The following ANO9 variants were observed in gnomAD, a reference collection of about 807,000 sequenced individuals.
ANO9 encodes anoctamin-9.
A neutral mutation model predicts 100.5 loss-of-function variants in ANO9; 80 were observed. The observed-to-expected ratio is 0.80, with a 90% CI of 0.66 to 0.96. The LOEUF (loss-of-function observed/expected upper bound fraction) is 0.96. ANO9 is among the 40% of genes least tolerant of loss of function. The pLI, the probability that ANO9 is intolerant of heterozygous loss-of-function variation, is 0.00. For synonymous variants in ANO9, 473 were observed against 435.6 expected (o/e 1.09, Z -1.07); for missense variants, 1,064 against 1,072.7 (o/e 0.99, Z 0.11).
intron 1 of ANO9, among the ~76,000 whole-genome samples, chr11:438,918 C>G (rs970094540): frequency 6.6e-6 from 1 of 152,176 alleles, no homozygotes; most frequent in African/African-American, 2.4e-5. Flanking sequence ...GGGACAGGGG[C>G]TGTCCCTACA....
At chr11:427,120 G>A (rs1848563014) in intron 15 of ANO9, among the ~76,000 whole-genome samples, 1 of 152,190 alleles carries the variant, frequency 6.6e-6, no homozygotes, top group Non-Finnish European at 1.5e-5. Context: ...AGGGCCAGAC[G>A]TGGTGGCTCA....
chr11:419,590 A>G lies in ANO9; in HGVS notation c.1926T>C (p.Ser642=), dbSNP rs777365593. ...ACACCCTGAGGCCTTACTCGACAGTAGAGTTGCCTTCTTTCAGGCATGGGC... is the reference window on the plus strand; with the variant it reads ...ACACCCTGAGGCCTTACTCGACAGTGGAGTTGCCTTCTTTCAGGCATGGGC... ...RYSPCLKEGN[S]TVDCLKGYVN... is the part of the protein sequence containing the mutation. Residue 642 remains serine (S), a synonymous_variant, in exon 20 of 23, where the codon TCT becomes TCC. Transcript: ENST00000332826. The G allele has an allele frequency of 4.3e-6, 7 of 1,613,382 alleles. No homozygotes were observed. Among genetic ancestry groups the G allele is most frequent in the African/African-American group, 1.3e-5 (1 of 75,044 alleles).
rs118132786 is a variant in ANO9, at chr11:437,795, A to C, written c.7-3697T>G. Among the ~76,000 whole-genome samples the C allele has an allele frequency of 7.1e-4, 108 of 152,268 alleles. 2 individuals are homozygous for C. The East Asian group carries it at 0.018, about 26-fold the overall frequency. ...GTGTTGTGTTGGAGGGATTCATGGG[A>C]GAATGGCCCCTCACATGCCTGGCTT... On this transcript the variant is annotated intron_variant, in intron 1 of 22. Transcript: ENST00000332826.
rs372449537 is a variant in ANO9 at position 431,689 on chromosome 11, G to A, written c.539+5C>T. ...GGTTCCTGTGCTCTCTTTGGGCAGC[G>A]TTACCTGATTTCATCAACTGGCTGC... On this transcript the variant is annotated splice_donor_5th_base_variant and intron_variant, in intron 7 of 22. Coordinates refer to ENST00000332826, the MANE Select transcript of ANO9 (RefSeq NM_001012302.3). The A allele has an allele frequency of 2.0e-5, 33 of 1,612,066 alleles. No homozygotes were observed. The African/African-American group carries it at 2.1e-4, about 10-fold the overall frequency.
intron 1 of ANO9, among the ~76,000 whole-genome samples, chr11:435,917 T>C (rs1196170797): frequency 2.0e-5 from 3 of 150,752 alleles, no homozygotes; most frequent in Non-Finnish European, 4.4e-5. Context: ...TAGTATGGTC[T>C]AGTCTAGTCT....
Position 421,171 on chromosome 11 carries a change from C to A in ANO9, c.1362G>T (p.Thr454=), listed in dbSNP as rs1384991473. The A allele has an allele frequency of 6.4e-7, 1 of 1,563,288 alleles. No individual in the cohort carries two copies. The highest frequency in any genetic ancestry group is 8.7e-7 in the Non-Finnish European group (1 of 1,150,666). Residue 454 remains threonine, a synonymous_variant, in exon 16 of 23, where the codon ACG becomes ACT. Transcript: ENST00000332826. The surrounding 1 kb of genome is among the most constrained non-coding windows in gnomAD (Gnocchi z 6.8). ...GRINGHPGKS[T]RLAGLWKLEE... ...CCAGCTTCCACAAGCCCGCCAGGCG[C>A]GTGGACTTCCCGGGGTGGCCGTTGA...
In ANO9 at chr11:420,621, C is replaced by T; in HGVS notation, c.1634-6G>A. 6.2e-7 allele frequency: 1 copy of T among 1,604,288 alleles called. No homozygotes were observed. Among genetic ancestry groups the T allele is most frequent in the Non-Finnish European group, 8.5e-7 (1 of 1,179,028 alleles). On this transcript the variant is annotated splice_region_variant and splice_polypyrimidine_tract_variant and intron_variant, in intron 18 of 22. Transcript: ENST00000332826. ...GGTGAAGCCGTACTGGATCACTGCG[C>T]GGTGGGGGTCAGGCTCACCGGCGCC...
At chr11:441,650 G>A (rs951471006) in intron 1 of ANO9, among the ~76,000 whole-genome samples, 1 of 152,184 alleles carries the variant, frequency 6.6e-6, no homozygotes. Flanking sequence ...CTAGCTGAGA[G>A]CCCAGCCCTG....
intron 1 of ANO9, among the ~76,000 whole-genome samples, chr11:438,628 AT>A: frequency 7.0e-6 from 1 of 143,432 alleles, no homozygotes; most frequent in Middle Eastern, 3.7e-3. Flanking sequence ...CCACCGGCCC[AT>A]CCCCCGGGCC....
In ANO9 at chr11:435,103, A is replaced by G. The variant is rs1270121968; in HGVS notation, c.7-1005T>C. On this transcript the variant is annotated intron_variant, in intron 1 of 22. Transcript: ENST00000332826. ...ATAGTATTGTAGTGTAGTGTAGTGT[A>G]GTATAGGATAGCATAGCATAGCATA... Among the ~76,000 whole-genome samples, 4 of 152,182 alleles carry G rather than the reference A, an allele frequency of 2.6e-5. No homozygotes were observed. The East Asian group carries it at 7.7e-4, about 29-fold the overall frequency.
In ANO9 at chr11:421,030, C is replaced by A; in HGVS notation, c.1405G>T (p.Gly469Cys). ...TGCACGAAGAGGTCCATCATGCAGC[C>A]GCTGGCGTGGCACTGCGGGGCCAGA... ...LWKLEECHAS[G>C]CMMDLFVQMA... Residue 469 changes from glycine to cysteine, a missense_variant, in exon 17 of 23, where the codon GGC becomes TGC. Transcript: ENST00000332826. This position sits in a 1 kb window ranked among gnomAD's most constrained non-coding sequence, Gnocchi z 6.8. 1 of 1,603,244 alleles carries A rather than the reference C, an allele frequency of 6.2e-7. No individual in the cohort carries two copies. Among genetic ancestry groups the A allele is most frequent in the East Asian group, 2.2e-5 (1 of 44,544 alleles).
chr11:440,743 A>T (rs570930267), intron 1 of ANO9: 5 of 151,458 alleles, frequency 3.3e-5, no homozygotes, highest in African/African-American at 1.2e-4. Context: ...GAGCGCAGGC[A>T]CGCGCCACCA....
At position 421,882 on chromosome 11, in the gene ANO9, T is replaced by C. The variant is rs1434863174; in HGVS notation, c.1335-684A>G. Among the ~76,000 whole-genome samples, 2 of 152,244 alleles carry C rather than the reference T, an allele frequency of 1.3e-5. No homozygotes were observed. The highest frequency in any genetic ancestry group is 2.9e-5 in the Non-Finnish European group (2 of 68,052). ...TCCTATTGTAGCTCACGACAACTGG[T>C]ATTTAACACGGTTCTGGAATTCCTT... On this transcript the variant is annotated intron_variant, in intron 15 of 22. Coordinates refer to ENST00000332826, the MANE Select transcript of ANO9 (RefSeq NM_001012302.3). The surrounding 1 kb of genome is among the most constrained non-coding windows in gnomAD (Gnocchi z 6.8).
In ANO9 at chr11:418,567, A is replaced by G; in HGVS notation, c.2153T>C (p.Leu718Pro). ...GTCGGGCACGAACCAGGCGGCGATG[A>G]GCTTGATGCACAAGGCCACGTGCTA... ...LFEHVALCIK[L>P]IAAWFVPDIP... The change falls in exon 23 of 23, where the codon CTC (leucine) becomes CCC (proline). Residue 718 changes from leucine (L) to proline (P), a missense_variant. Coordinates refer to ENST00000332826, the MANE Select transcript of ANO9 (RefSeq NM_001012302.3). The G allele has an allele frequency of 6.2e-7, 1 of 1,612,968 alleles. No homozygotes were observed.
rs1848771983 is a variant in ANO9 at position 429,752 on chromosome 11, A to G, written c.832+6T>C. 2 of 1,611,324 alleles carry G rather than the reference A, an allele frequency of 1.2e-6. No individual in the cohort carries two copies. The highest frequency in any genetic ancestry group is 1.3e-5 in the African/African-American group (1 of 74,940). On this transcript the variant is annotated splice_donor_region_variant and intron_variant, in intron 10 of 22. Coordinates refer to ENST00000332826, the MANE Select transcript of ANO9 (RefSeq NM_001012302.3). Reference sequence around the variant, plus strand: ...GGCCCCGCAGAGGCGTCCCGCAGCAACTCACCCCAGAGAGCCATGAAGATG... The same window carrying G: ...GGCCCCGCAGAGGCGTCCCGCAGCAGCTCACCCCAGAGAGCCATGAAGATG...
rs1284998691 is a variant in ANO9, at chr11:418,163, G to A, written c.*208C>T. ...CAGGGTCACCCAGAGTTCAAGTCAG[G>A]GCTGTGCCAAGCCTGAGAGCCCCCA... On this transcript the variant is annotated 3_prime_UTR_variant, in exon 23 of 23. Coordinates refer to ENST00000332826, the MANE Select transcript of ANO9 (RefSeq NM_001012302.3). 1 of 591,626 alleles carries A rather than the reference G, an allele frequency of 1.7e-6. No homozygotes were observed. Among genetic ancestry groups the A allele is most frequent in the African/African-American group, 1.9e-5 (1 of 53,610 alleles). The allele number at this position is 591,626 out of a possible 1,614,324, so 36.6% of individuals were successfully genotyped here.
At position 418,773 on chromosome 11, in the gene ANO9, C is replaced by G; in HGVS notation, c.2077G>C (p.Glu693Gln). Residue 693 changes from glutamate (E) to glutamine (Q), a missense_variant, in exon 22 of 23, where the codon GAG becomes CAG. Physicochemically the swap from Glu to Gln is conservative, Grantham distance 29. Coordinates refer to ENST00000332826, the MANE Select transcript of ANO9 (RefSeq NM_001012302.3). ...YRNPPDYNFSEQFWFLLAIRL... is the reference protein window; with the variant it reads ...YRNPPDYNFSQQFWFLLAIRL... ...ATGGCCAGGAGGAACCAGAACTGCT[C>G]GGAGAAGTTGTAATCGGGGGGATTG... 1 of 1,613,046 alleles carries G rather than the reference C, an allele frequency of 6.2e-7. No homozygotes were observed. Among genetic ancestry groups the G allele is most frequent in the Non-Finnish European group, 8.5e-7 (1 of 1,179,994 alleles).
intron 19 of ANO9, 111 bp from the exon 20 acceptor site, chr11:419,840 C>T (rs765446912): frequency 5.6e-4 from 848 of 1,516,362 alleles, no homozygotes; most frequent in Non-Finnish European, 6.0e-4. Context: ...GCGTGGTGTC[C>T]CCTTGCAGCC....
intron 10 of ANO9, 37 bp from the exon 11 acceptor site, chr11:429,689 G>A (rs1326095986): frequency 5.0e-6 from 8 of 1,612,436 alleles, no homozygotes; most frequent in African/African-American, 2.7e-5. Flanking sequence ...ACTGCACTAC[G>A]CCAGGTGGAC....
Sources: gnomAD v4.1 joint callset for allele counts (sites outside exome capture counted in the v4.1 genomes callset) on GRCh38, gnomAD v4.1.1 for gene constraint, Gnocchi (gnomAD v3.1) non-coding constraint, MANE v1.5 for transcripts, NCBI Gene and HGNC (gene_info 2026-07-23, HGNC 2026-07-21) for gene names.